GRIA1: variants seen among roughly 807,000 people sequenced by gnomAD.
The protein encoded by GRIA1 is glutamate ionotropic receptor AMPA type subunit 1.
A neutral mutation model predicts 99.2 loss-of-function variants in GRIA1; 31 were observed. That is an observed-to-expected ratio of 0.31 (90% CI 0.23 to 0.42). The LOEUF (loss-of-function observed/expected upper bound fraction) is 0.42, where lower values mean the gene tolerates loss of function less well. GRIA1 is among the 10% of genes least tolerant of loss of function. The pLI is 1.00. For missense variants in GRIA1, 782 were observed against 1,157.5 expected (o/e 0.68, Z 4.71); for synonymous variants, 438 against 432.4 (o/e 1.01, Z -0.16).
At chr5:153,780,802 C>T (rs1422195495) in intron 13 of GRIA1, among the ~76,000 whole-genome samples, 4 of 152,166 alleles carry the variant, frequency 2.6e-5, no homozygotes, top group African/African-American at 4.8e-5. Context: ...ACCATCTCTT[C>T]TGTTTGTGTG....
At chr5:153,528,632 A>C (rs1757823802) in intron 2 of GRIA1, among the ~76,000 whole-genome samples, 1 of 152,074 alleles carries the variant, frequency 6.6e-6, no homozygotes, top group African/African-American at 2.4e-5. Context: ...ACTGAGCTAA[A>C]TGTTTCTTTC....
At position 153,650,514 on chromosome 5, in the gene GRIA1, G is replaced by C; in HGVS notation, c.645G>C (p.Gln215His). ...AACGCCTCAATGCTATCTTGGGCCA[G>C]GTAGTGAAAGCAGCAAGGGCTCAGG... is the stretch of plus-strand genomic sequence containing the variant. The part of the protein sequence containing the change: ...ESERLNAILG[Q>H]IIKLEKNGIG... Residue 215 changes from glutamine (Q) to histidine (H), a missense_variant and splice_region_variant, in exon 4 of 16, where the codon CAG becomes CAC. By Grantham distance (24) the Gln-to-His change is conservative. Transcript: ENST00000285900. 6.2e-7 allele frequency: 1 copy of C among 1,613,360 alleles called. No individual in the cohort carries two copies. Among genetic ancestry groups the C allele is most frequent in the Non-Finnish European group, 8.5e-7 (1 of 1,179,588 alleles).
At chr5:153,509,783 G>C (rs1238295542) in intron 2 of GRIA1, among the ~76,000 whole-genome samples, 1 of 152,170 alleles carries the variant, frequency 6.6e-6, no homozygotes, top group Non-Finnish European at 1.5e-5. Flanking sequence ...CTTGGAAAGT[G>C]CTTAGCATAA....
intron 8 of GRIA1, among the ~76,000 whole-genome samples, chr5:153,692,451 CAT>C (rs1757831782): frequency 6.6e-6 from 1 of 152,130 alleles, no homozygotes; most frequent in Non-Finnish European, 1.5e-5. Flanking sequence ...CATTTTGTGA[CAT>C]GTGAAAATTA....
intron 2 of GRIA1, among the ~76,000 whole-genome samples, chr5:153,537,982 A>G (rs1253933198): frequency 3.9e-5 from 6 of 152,190 alleles, no homozygotes; most frequent in Non-Finnish European, 8.8e-5. Flanking sequence ...ACCAAAGAAG[A>G]AGAGGCAGGG....
intron 2 of GRIA1, among the ~76,000 whole-genome samples, chr5:153,529,094 T>G (rs1757869964): frequency 6.6e-6 from 1 of 152,200 alleles, no homozygotes; most frequent in Admixed American, 6.5e-5. Flanking sequence ...GTTTGCCTAT[T>G]TTATGTTAAT....
chr5:153,551,274 C>T (rs773918310), intron 2 of GRIA1, among the ~76,000 whole-genome samples: 2 of 152,078 alleles, frequency 1.3e-5, no homozygotes, highest in Non-Finnish European at 2.9e-5. Context: ...TCTAGTCTCA[C>T]TAGAAAGACA....
intron 2 of GRIA1, chr5:153,573,106 T>G (rs1232306184): frequency 6.6e-6 from 1 of 152,214 alleles, no homozygotes. Flanking sequence ...TGGTGGCTAA[T>G]GAGCACATCT....
chr5:153,521,860 C>T (rs1327416995), intron 2 of GRIA1, among the ~76,000 whole-genome samples: 1 of 152,206 alleles, frequency 6.6e-6, no homozygotes, highest in Non-Finnish European at 1.5e-5. Flanking sequence ...AGTTGAGTGG[C>T]ATTGCTGCAC....
intron 8 of GRIA1, among the ~76,000 whole-genome samples, chr5:153,695,581 T>A (rs746197287): frequency 6.6e-6 from 1 of 152,228 alleles, no homozygotes; most frequent in Non-Finnish European, 1.5e-5. Flanking sequence ...GCAAATTCTG[T>A]GGTCTCTGCG....
At chr5:153,595,952 A>G (rs1764393387) in intron 2 of GRIA1, among the ~76,000 whole-genome samples, 1 of 151,970 alleles carries the variant, frequency 6.6e-6, no homozygotes, top group African/African-American at 2.4e-5. Context: ...GTCATGTTCC[A>G]TGAGAGGTCA....
chr5:153,602,297 G>T (rs1211879640), intron 2 of GRIA1, among the ~76,000 whole-genome samples: 1 of 151,462 alleles, frequency 6.6e-6, no homozygotes, highest in East Asian at 1.9e-4. Context: ...ACCAAACACT[G>T]CATGTTCTCA....
At chr5:153,715,812 A>G (rs1759627947) in intron 11 of GRIA1, among the ~76,000 whole-genome samples, 1 of 152,142 alleles carries the variant, frequency 6.6e-6, no homozygotes, top group African/African-American at 2.4e-5. Flanking sequence ...TGTTCTAAAT[A>G]CTCAACATAT....
chr5:153,718,182 C>T (rs1166164030), intron 11 of GRIA1, among the ~76,000 whole-genome samples: 1 of 152,092 alleles, frequency 6.6e-6, no homozygotes, highest in Non-Finnish European at 1.5e-5. Flanking sequence ...AAGTTTGCGA[C>T]ACAGTAGAAG....
intron 11 of GRIA1, among the ~76,000 whole-genome samples, chr5:153,754,752 G>A (rs1476761038): frequency 6.6e-6 from 1 of 152,194 alleles, no homozygotes; most frequent in African/African-American, 2.4e-5. Context: ...GAGATGCCAG[G>A]TTATAAGACA....
intron 8 of GRIA1, among the ~76,000 whole-genome samples, chr5:153,693,957 T>C (rs751088198): frequency 6.6e-6 from 1 of 152,226 alleles, no homozygotes; most frequent in Non-Finnish European, 1.5e-5. Flanking sequence ...AGTCTACTAG[T>C]TTACATGAGG....
intron 5 of GRIA1, among the ~76,000 whole-genome samples, chr5:153,669,959 C>A (rs79787202): frequency 6.6e-6 from 1 of 152,092 alleles, no homozygotes; most frequent in South Asian, 2.1e-4. Flanking sequence ...ACATAGTGAA[C>A]CTTGATTTTT....
intron 2 of GRIA1, among the ~76,000 whole-genome samples, chr5:153,559,929 T>TGACACACCCTATTGCCTCCTTCC (rs1760976682): frequency 6.6e-6 from 1 of 152,286 alleles, no homozygotes; most frequent in South Asian, 2.1e-4. Flanking sequence ...GTTATCCTTC[T>TGACACACCCTATTGCCTCCTTCC]GACACACCCT....
At chr5:153,609,225 C>T (rs999791721) in intron 2 of GRIA1, among the ~76,000 whole-genome samples, 1 of 152,160 alleles carries the variant, frequency 6.6e-6, no homozygotes, top group Non-Finnish European at 1.5e-5. Context: ...GGTTACCTCC[C>T]GGGCTTCCTC....
Sources: allele counts gnomAD v4.1 joint callset (sites outside exome capture counted in the v4.1 genomes callset), GRCh38; gene constraint gnomAD v4.1.1; transcripts MANE v1.5; gene names NCBI Gene and HGNC (gene_info 2026-07-23, HGNC 2026-07-21).